SNAP23: variants seen among roughly 807,000 people sequenced by gnomAD.
SNAP23 encodes the protein synaptosome associated protein 23, also known as synaptosomal-associated protein 23.
Under a neutral mutation model 29.0 loss-of-function variants are expected in SNAP23, and 11 were observed. That is an observed-to-expected ratio of 0.38 (90% CI 0.24 to 0.63). The LOEUF (loss-of-function observed/expected upper bound fraction) is 0.63, where lower values mean the gene tolerates loss of function less well. Ranked by LOEUF, SNAP23 falls within the 20% of genes least tolerant of loss-of-function variation. The pLI is 0.58. For synonymous variants in SNAP23, 60 were observed against 82.9 expected (o/e 0.72, Z 1.50); for missense variants, 220 against 253.9 (o/e 0.87, Z 0.91).
chr15:42,523,395 G>C (rs1026485038), intron 5 of SNAP23, among the ~76,000 whole-genome samples: 1 of 152,164 alleles, frequency 6.6e-6, no homozygotes, highest in Admixed American at 6.6e-5. Flanking sequence ...TCTTACTGTA[G>C]ACTAAAACAA....
In SNAP23 at chr15:42,532,922, A is replaced by G. The variant is rs1566822981; in HGVS notation, c.*1444A>G. 1.3e-5 allele frequency: 2 copies of G among 152,666 alleles called. No individual in the cohort carries two copies. Among genetic ancestry groups the G allele is most frequent in the African/African-American group, 2.4e-5 (1 of 41,454 alleles). The allele number at this position is 152,666 out of a possible 1,614,324, so 9.5% of individuals were successfully genotyped here. On this transcript the variant is annotated 3_prime_UTR_variant, in exon 8 of 8. Coordinates refer to ENST00000249647, the MANE Select transcript of SNAP23 (RefSeq NM_003825.4). ...CATAATCAAGTTGATGTGGATCCTG[A>G]AAAGTGTTATGAACATCTGATTGGT...
chr15:42,502,554 G>T (rs1203491552), intron 1 of SNAP23, among the ~76,000 whole-genome samples: 1 of 149,354 alleles, frequency 6.7e-6, no homozygotes, highest in Non-Finnish European at 1.5e-5. Flanking sequence ...GCATCTAAGT[G>T]AACTTAATCA....
intron 5 of SNAP23, among the ~76,000 whole-genome samples, chr15:42,523,842 A>C (rs186177297): frequency 6.6e-6 from 1 of 151,992 alleles, no homozygotes; most frequent in African/African-American, 2.4e-5. Flanking sequence ...TTTTAGATGG[A>C]GTCTCACTCT....
chr15:42,513,524 T>C (rs2057374761), intron 4 of SNAP23, 77 bp downstream of exon 4: 4 of 1,198,616 alleles, frequency 3.3e-6, no homozygotes, highest in Non-Finnish European at 5.0e-6. Context: ...CACATACAAA[T>C]TTCAGCCTTT....
chr15:42,495,460 C>CT (rs1463005246), upstream of SNAP23: 1 of 152,258 alleles, frequency 6.6e-6, no homozygotes, highest in Non-Finnish European at 1.5e-5. Context: ...GCATGAACAC[C>CT]TCCCAGCTTC....
At chr15:42,503,264 C>T (rs1330870646) in intron 1 of SNAP23, among the ~76,000 whole-genome samples, 2 of 151,922 alleles carry the variant, frequency 1.3e-5, no homozygotes, top group Non-Finnish European at 2.9e-5. Flanking sequence ...TGCAGCGGTG[C>T]GATCTCGGCT....
intron 1 of SNAP23, among the ~76,000 whole-genome samples, chr15:42,499,504 C>T (rs1012723725): frequency 1.3e-5 from 2 of 152,010 alleles, no homozygotes; most frequent in Admixed American, 6.6e-5. Flanking sequence ...TAATTTTTGC[C>T]ATTTAGAGTA....
At chr15:42,495,049 A>C (rs917808154), upstream of SNAP23, among the ~76,000 whole-genome samples, 9 of 152,216 alleles carry the variant, frequency 5.9e-5, no homozygotes, top group African/African-American at 2.2e-4. Flanking sequence ...GATTAGCACT[A>C]AGCCTCTAAC....
chr15:42,527,906 T>C, intron 5 of SNAP23: 1 of 186,508 alleles, frequency 5.4e-6, no homozygotes, highest in East Asian at 1.2e-4. Context: ...TTAACCTCTT[T>C]TCTAGATAGT....
intron 5 of SNAP23, among the ~76,000 whole-genome samples, chr15:42,519,766 G>A (rs930957941): frequency 6.6e-5 from 10 of 152,078 alleles, no homozygotes; most frequent in Admixed American, 6.6e-4. Context: ...GCCTCCCAAA[G>A]TGCTGGTATT....
At chr15:42,513,481 G>A in intron 4 of SNAP23, 34 bp downstream of exon 4, 1 of 1,561,936 alleles carries the variant, frequency 6.4e-7, no homozygotes, top group Non-Finnish European at 8.8e-7. Flanking sequence ...TTCTTAATTT[G>A]ACTGTGATGC....
chr15:42,514,692 A>G (rs2057384294), intron 4 of SNAP23, among the ~76,000 whole-genome samples: 1 of 149,720 alleles, frequency 6.7e-6, no homozygotes, highest in East Asian at 2.0e-4. Flanking sequence ...GTCCTACTAT[A>G]CAAGATTCTT....
upstream of SNAP23, among the ~76,000 whole-genome samples, chr15:42,493,322 G>A (rs910222297): frequency 2.0e-5 from 3 of 151,916 alleles, no homozygotes; most frequent in African/African-American, 7.3e-5. Context: ...CTGAGCAACA[G>A]AGCAAGACCT....
intron 1 of SNAP23, among the ~76,000 whole-genome samples, chr15:42,497,147 C>T (rs1201124137): frequency 1.3e-5 from 2 of 150,410 alleles, no homozygotes; most frequent in Non-Finnish European, 3.0e-5. Context: ...AAGCGATTCT[C>T]CTCCCTCACA....
At chr15:42,500,060 C>G (rs2057255367) in intron 1 of SNAP23, among the ~76,000 whole-genome samples, 1 of 152,166 alleles carries the variant, frequency 6.6e-6, no homozygotes, top group South Asian at 2.1e-4. Context: ...TGGAGGATCG[C>G]TTGAGCCTGG....
chr15:42,493,714 T>G (rs2057192608), upstream of SNAP23, among the ~76,000 whole-genome samples: 1 of 152,136 alleles, frequency 6.6e-6, no homozygotes, highest in Non-Finnish European at 1.5e-5. Flanking sequence ...AACATTCTTC[T>G]GTCAACTTGT....
At chr15:42,528,563 A>G (rs1232199752) in intron 6 of SNAP23, 143 bp downstream of exon 6, 2 of 867,110 alleles carry the variant, frequency 2.3e-6, no homozygotes, top group East Asian at 2.7e-5. Flanking sequence ...AAATCTGCCC[A>G]CTGACAAAAT....
intron 1 of SNAP23, among the ~76,000 whole-genome samples, chr15:42,504,177 AT>A (rs1370859740): frequency 2.0e-5 from 3 of 151,592 alleles, no homozygotes; most frequent in Middle Eastern, 3.4e-3. Context: ...AAAAAAAAAA[AT>A]AATAATATAA....
chr15:42,518,432 C>CTTT (rs1163801630), intron 5 of SNAP23, among the ~76,000 whole-genome samples: 5 of 128,686 alleles, frequency 3.9e-5, no homozygotes, highest in Non-Finnish European at 4.7e-5. Context: ...TTTTCTTTCT[C>CTTT]TTTTTTTTTT....
Sources: gnomAD v4.1 joint callset for allele counts (sites outside exome capture counted in the v4.1 genomes callset) on GRCh38, gnomAD v4.1.1 for gene constraint, MANE v1.5 for transcripts, NCBI Gene and HGNC (gene_info 2026-07-23, HGNC 2026-07-21) for gene names.